The following SSH2 variants were observed in gnomAD, a reference collection of about 807,000 sequenced individuals.
SSH2 encodes the protein protein phosphatase Slingshot homolog 2.
A neutral mutation model predicts 135.2 loss-of-function variants in SSH2; 37 were observed. The ratio of observed to expected loss-of-function variants is 0.27; its 90% CI spans 0.21 to 0.36. The LOEUF is 0.36. Ranked by LOEUF, SSH2 falls within the 10% of genes least tolerant of loss-of-function variation. The pLI, the probability that SSH2 is intolerant of heterozygous loss-of-function variation, is 1.00. For missense variants in SSH2, 1,408 were observed against 1,765.3 expected, an observed-to-expected ratio of 0.80 and a Z score of 3.63; for synonymous variants, 628 against 646.2, an observed-to-expected ratio of 0.97 and a Z score of 0.43.
chr17:29,682,978 C>T (rs1171142527), intron 6 of SSH2, among the ~76,000 whole-genome samples: 2 of 152,152 alleles, frequency 1.3e-5, no homozygotes, highest in African/African-American at 4.8e-5. Context: ...TGTGAACCCC[C>T]AAGTCATTTT....
intron 3 of SSH2, among the ~76,000 whole-genome samples, chr17:29,741,671 A>G (rs2040560714): frequency 6.9e-6 from 1 of 145,762 alleles, no homozygotes; most frequent in East Asian, 2.0e-4. Context: ...GCTGGAGTGC[A>G]GTGGCGCGAT....
chr17:29,771,398 A>G (rs1266280196), intron 3 of SSH2, among the ~76,000 whole-genome samples: 6 of 152,206 alleles, frequency 3.9e-5, no homozygotes, highest in Non-Finnish European at 5.9e-5. Flanking sequence ...CCTTTGCACT[A>G]CATCACTTTA....
chr17:29,880,715 A>G lies in SSH2; in HGVS notation c.64-31786T>C, dbSNP rs117751664. Among the ~76,000 whole-genome samples the G allele has an allele frequency of 2.4e-4, 36 of 152,292 alleles. No individual in the cohort carries two copies. The East Asian group carries it at 6.0e-3, about 25-fold the overall frequency. On this transcript the variant is annotated intron_variant, in intron 1 of 15. Transcript: ENST00000540801. ...ATAGTACAGGCTGAATTTAATTAAG[A>G]AAGTTACTTCCCTTCCATCCCAATT...
At chr17:29,753,686 C>T (rs1401643340) in intron 3 of SSH2, among the ~76,000 whole-genome samples, 1 of 151,108 alleles carries the variant, frequency 6.6e-6, no homozygotes, top group Non-Finnish European at 1.5e-5. Context: ...ATCCCAGCTA[C>T]TCAGGAGGCT....
At chr17:29,841,444 C>T (rs2043039760) in intron 2 of SSH2, among the ~76,000 whole-genome samples, 1 of 152,210 alleles carries the variant, frequency 6.6e-6, no homozygotes, top group Non-Finnish European at 1.5e-5. Flanking sequence ...CTTTACCCTT[C>T]ACTGACTTAA....
intron 8 of SSH2, chr17:29,676,528 T>C: frequency 3.3e-6 from 1 of 305,924 alleles, no homozygotes; most frequent in Non-Finnish European, 6.2e-6. Context: ...TTAGTCAATA[T>C]GTCCCTAATA....
At chr17:29,867,491 G>GT (rs2151417549) in intron 1 of SSH2, among the ~76,000 whole-genome samples, 1 of 152,334 alleles carries the variant, frequency 6.6e-6, no homozygotes, top group East Asian at 1.9e-4. Context: ...GCTAACGTGT[G>GT]TATCAGGTAG....
chr17:29,789,747 A>G (rs1006963192), intron 3 of SSH2, among the ~76,000 whole-genome samples: 2 of 152,214 alleles, frequency 1.3e-5, no homozygotes, highest in Non-Finnish European at 2.9e-5. Flanking sequence ...CTGCCACTCA[A>G]GTGCATCTGG....
intron 5 of SSH2, among the ~76,000 whole-genome samples, chr17:29,687,971 A>G (rs952856369): frequency 1.3e-5 from 2 of 151,866 alleles, no homozygotes; most frequent in African/African-American, 4.8e-5. Context: ...GGGCTGCAAG[A>G]GTTTCTTTGT....
At chr17:29,767,627 A>ATG (rs1444397864) in intron 3 of SSH2, among the ~76,000 whole-genome samples, 1 of 112,808 alleles carries the variant, frequency 8.9e-6, no homozygotes, top group Non-Finnish European at 2.0e-5. Context: ...ATGCACACAC[A>ATG]CGCACACACA....
At chr17:29,688,042 A>T (rs978478762) in intron 5 of SSH2, among the ~76,000 whole-genome samples, 6 of 149,820 alleles carry the variant, frequency 4.0e-5, no homozygotes, top group African/African-American at 1.5e-4. Context: ...ATGGAGTCTC[A>T]CTCTATCGCC....
At chr17:29,877,885 C>A (rs1396583305) in intron 1 of SSH2, among the ~76,000 whole-genome samples, 1 of 152,046 alleles carries the variant, frequency 6.6e-6, no homozygotes, top group Non-Finnish European at 1.5e-5. Flanking sequence ...GAGTTTAAGA[C>A]CAGCCTGGGC....
rs555799161 is a variant in SSH2, at chr17:29,875,253, C to A, written c.64-26324G>T. The stretch of plus-strand genomic sequence containing the variant: ...ATAAGCCTGCCCAGGACTAGTATTC[C>A]TTATCTCAGAAAACAATGCAAACAT... On this transcript the variant is annotated intron_variant, in intron 1 of 15. Transcript: ENST00000540801. Among the ~76,000 whole-genome samples the A allele has an allele frequency of 7.8e-4, 118 of 152,228 alleles. 1 individual carries two copies. The highest frequency in any genetic ancestry group is 6.8e-3 in the Middle Eastern group (2 of 292).
At chr17:29,691,387 T>C (rs1432650702) in intron 5 of SSH2, among the ~76,000 whole-genome samples, 2 of 152,226 alleles carry the variant, frequency 1.3e-5, no homozygotes, top group Non-Finnish European at 2.9e-5. Context: ...CCACTTTCTT[T>C]ATTTTACTAG....
chr17:29,922,923 G>T (rs976218018), intron 1 of SSH2, among the ~76,000 whole-genome samples: 1 of 152,138 alleles, frequency 6.6e-6, no homozygotes, highest in Admixed American at 6.6e-5. Flanking sequence ...AAAAAATTGG[G>T]TTTTTTTGAC....
intron 2 of SSH2, among the ~76,000 whole-genome samples, chr17:29,834,961 G>A (rs2042918668): frequency 6.6e-6 from 1 of 152,094 alleles, no homozygotes; most frequent in Non-Finnish European, 1.5e-5. Flanking sequence ...AATTTCCTCA[G>A]AGGAAATATT....
chr17:29,928,585 C>G (rs956949160), intron 1 of SSH2: 2 of 398,418 alleles, frequency 5.0e-6, no homozygotes, highest in Admixed American at 4.4e-5. Flanking sequence ...GTTCTGCTCT[C>G]TGAAACAACA....
chr17:29,626,973 C>T lies in SSH2; in HGVS notation c.*3868G>A, dbSNP rs1284227127. 5 of 152,022 alleles carry T rather than the reference C, an allele frequency of 3.3e-5. No homozygotes were observed. The highest frequency in any genetic ancestry group is 5.9e-5 in the Non-Finnish European group (4 of 68,004). 9.4% of individuals were successfully genotyped at this position (152,022 alleles called of 1,614,324 possible). ...TTACAACCATCACTATAAGACACACCATCACTGAGGAAATGACAACTATTT... is the reference window on the plus strand; with the variant it reads ...TTACAACCATCACTATAAGACACACTATCACTGAGGAAATGACAACTATTT... On this transcript the variant is annotated 3_prime_UTR_variant, in exon 16 of 16. Transcript: ENST00000540801.
intron 13 of SSH2, among the ~76,000 whole-genome samples, chr17:29,649,597 G>C (rs549525404): frequency 6.6e-6 from 1 of 152,136 alleles, no homozygotes; most frequent in Non-Finnish European, 1.5e-5. Context: ...TCTTGCTCAG[G>C]CTAATCTTGA....
Sources: gnomAD v4.1 joint callset for allele counts (sites outside exome capture counted in the v4.1 genomes callset) on GRCh38, gnomAD v4.1.1 for gene constraint, MANE v1.5 for transcripts, NCBI Gene and HGNC (gene_info 2026-07-23, HGNC 2026-07-21) for gene names.